Variants in CNN3 observed in about 807,000 individuals in gnomAD.
CNN3 encodes calponin 3.
CNN3 carries 11 observed loss-of-function variants against 39.0 expected under a neutral mutation model. That is an observed-to-expected ratio of 0.28 (90% confidence interval 0.18 to 0.47). CNN3 has a LOEUF of 0.47. Among genes scored for constraint, CNN3 ranks in the 20% least tolerant of loss-of-function variants. The pLI is 0.99. For missense variants in CNN3, 266 were observed against 403.4 expected (o/e 0.66, Z 2.92); for synonymous variants, 101 against 138.3 (o/e 0.73, Z 1.89).
At chr1:94,910,421 T>C (rs577735388) in intron 1 of CNN3, among the ~76,000 whole-genome samples, 6 of 152,050 alleles carry the variant, frequency 3.9e-5, no homozygotes, top group Admixed American at 3.9e-4. Context: ...GAGAGAACAA[T>C]GGGGGCTAAC....
Position 94,899,359 on chromosome 1 carries a change from G to A in CNN3, c.648+12C>T. ...GTGTACTCTTGTACACGTATAAAAAGGTATTGCTTACCTGGCTGGCTCCTT... is the reference window on the plus strand; with the variant it reads ...GTGTACTCTTGTACACGTATAAAAAAGTATTGCTTACCTGGCTGGCTCCTT... On this transcript the variant is annotated intron_variant, in intron 6 of 6. Coordinates refer to ENST00000370206, the MANE Select transcript of CNN3 (RefSeq NM_001839.5). The A allele has an allele frequency of 3.7e-6, 6 of 1,611,770 alleles. No individual in the cohort carries two copies. In the East Asian group the frequency reaches 1.3e-4, roughly 36 times the overall value.
rs749748222 is a variant in CNN3 at position 94,903,485 on chromosome 1, G to A, written c.97C>T (p.Arg33Cys). 59 of 1,613,860 alleles carry A rather than the reference G, an allele frequency of 3.7e-5. No individual in the cohort carries two copies. The highest frequency in any genetic ancestry group is 6.7e-5 in the Admixed American group (4 of 59,982). Residue 33 changes from arginine to cysteine, a missense_variant, in exon 2 of 7, where the codon CGC becomes TGC. Physicochemically the swap from Arg to Cys is radical, Grantham distance 180. Transcript: ENST00000370206. ...CCTGTCACCTCTTCTATCCAATTGC[G>A]AAGATCTTCTTCTGCCTGATGATCA... ...KYDHQAEEDL[R>C]NWIEEVTGMS...
At chr1:94,906,691 T>C (rs1276874228) in intron 1 of CNN3, among the ~76,000 whole-genome samples, 1 of 152,234 alleles carries the variant, frequency 6.6e-6, no homozygotes, top group Non-Finnish European at 1.5e-5. Flanking sequence ...CTCAGCTATC[T>C]ACACAATTTG....
At chr1:94,911,509 G>A (rs576181828) in intron 1 of CNN3, among the ~76,000 whole-genome samples, 1 of 152,324 alleles carries the variant, frequency 6.6e-6, no homozygotes, top group Non-Finnish European at 1.5e-5. Flanking sequence ...TAGGACGGGT[G>A]CAGTGGCTCA....
chr1:94,902,970 G>C (rs530447581), intron 3 of CNN3, 152 bp downstream of exon 3: 9 of 523,384 alleles, frequency 1.7e-5, no homozygotes, highest in African/African-American at 1.6e-4. Flanking sequence ...AATTAAATAT[G>C]CACAAATTTC....
intron 1 of CNN3, among the ~76,000 whole-genome samples, chr1:94,919,219 G>A (rs978829273): frequency 6.6e-6 from 1 of 152,166 alleles, no homozygotes; most frequent in South Asian, 2.1e-4. Flanking sequence ...AGTATTCAGA[G>A]TAGAGAATGG....
At chr1:94,912,677 C>T (rs1174580956) in intron 1 of CNN3, among the ~76,000 whole-genome samples, 2 of 152,192 alleles carry the variant, frequency 1.3e-5, no homozygotes, top group African/African-American at 4.8e-5. Context: ...ATTTTTCACC[C>T]ACTGACAGGA....
At chr1:94,909,927 G>A (rs1671116280) in intron 1 of CNN3, among the ~76,000 whole-genome samples, 1 of 152,172 alleles carries the variant, frequency 6.6e-6, no homozygotes, top group Admixed American at 6.6e-5. Context: ...TACAAGAACT[G>A]TCTGATGCCC....
In CNN3 at chr1:94,903,518, A is replaced by T; in HGVS notation, c.64T>A (p.Ser22Thr). Residue 22 changes from serine (S) to threonine (T), a missense_variant, in exon 2 of 7, where the codon TCC becomes ACC. Physicochemically the swap from Ser to Thr is moderately conservative, Grantham distance 58. Transcript: ENST00000370206. ...LSAEVKNKIA[S>T]KYDHQAEEDL... is the part of the protein sequence containing the mutation. The stretch of plus-strand genomic sequence containing the variant: ...TCTTCTGCCTGATGATCATACTTGG[A>T]AGCAATCTGAAATACAGGTTAACTC... 1 of 1,614,006 alleles carries T rather than the reference A, an allele frequency of 6.2e-7. No individual in the cohort carries two copies. The highest frequency in any genetic ancestry group is 2.2e-5 in the East Asian group (1 of 44,870).
chr1:94,901,425 G>A (rs1322753636), intron 5 of CNN3, among the ~76,000 whole-genome samples: 3 of 148,836 alleles, frequency 2.0e-5, no homozygotes, highest in Non-Finnish European at 3.0e-5. Flanking sequence ...AAGACAATAT[G>A]ATTCAATTAA....
chr1:94,916,284 T>C (rs1671277749), intron 1 of CNN3, among the ~76,000 whole-genome samples: 1 of 152,096 alleles, frequency 6.6e-6, no homozygotes, highest in Non-Finnish European at 1.5e-5. Flanking sequence ...TGCACACCTG[T>C]AGTCCCAGCT....
Position 94,926,946 on chromosome 1 carries a change from C to G in CNN3, c.-52G>C. On this transcript the variant is annotated 5_prime_UTR_variant, in exon 1 of 7. Coordinates refer to ENST00000370206, the MANE Select transcript of CNN3 (RefSeq NM_001839.5). The surrounding 1 kb of genome is among the most constrained non-coding windows in gnomAD (Gnocchi z 4.2). ...GCGCTGGGGTCCGGGGTCTCTCGCACTTCGCTTCCCCGCTCCTGGCCCCGA... is the reference window on the plus strand; with the variant it reads ...GCGCTGGGGTCCGGGGTCTCTCGCAGTTCGCTTCCCCGCTCCTGGCCCCGA... 1 of 1,576,502 alleles carries G rather than the reference C, an allele frequency of 6.3e-7. No homozygotes were observed.
At chr1:94,913,066 G>T (rs1344722307) in intron 1 of CNN3, among the ~76,000 whole-genome samples, 1 of 152,058 alleles carries the variant, frequency 6.6e-6, no homozygotes, top group Non-Finnish European at 1.5e-5. Context: ...AAGGAAACTG[G>T]GAATCAGAAG....
chr1:94,909,180 G>A (rs1391509976), intron 1 of CNN3, among the ~76,000 whole-genome samples: 2 of 152,046 alleles, frequency 1.3e-5, no homozygotes, highest in Non-Finnish European at 2.9e-5. Flanking sequence ...TGATATACAA[G>A]TATGTAGCGC....
intron 1 of CNN3, among the ~76,000 whole-genome samples, chr1:94,913,412 A>G (rs1397018697): frequency 6.6e-6 from 1 of 152,206 alleles, no homozygotes; most frequent in African/African-American, 2.4e-5. Context: ...TCTTCTACAC[A>G]GAGTTACCTT....
rs774409033 is a variant in CNN3, at chr1:94,901,679, A to C, written c.491T>G (p.Ile164Ser). 3 of 1,612,246 alleles carry C rather than the reference A, an allele frequency of 1.9e-6. No homozygotes were observed. The change falls in exon 5 of 7, where the codon ATT becomes AGT. Residue 164 changes from isoleucine (I) to serine (S), a missense_variant. Coordinates refer to ENST00000370206, the MANE Select transcript of CNN3 (RefSeq NM_001839.5). ...EGKLKAGQSV[I>S]GLQMGTNKCA... ...CACCACATTACTTACCTGCAGACCA[A>C]TTACACTTTGGCCAGCTTTTAATTT...
intron 4 of CNN3, 138 bp from the exon 5 acceptor site, chr1:94,901,923 A>G: frequency 1.4e-6 from 1 of 704,782 alleles, no homozygotes; most frequent in Non-Finnish European, 2.4e-6. Context: ...AATATACTGC[A>G]TCATTTGAAA....
chr1:94,915,489 A>T (rs1034094171), intron 1 of CNN3, among the ~76,000 whole-genome samples: 1 of 152,170 alleles, frequency 6.6e-6, no homozygotes, highest in African/African-American at 2.4e-5. Context: ...GTAAAGGTGA[A>T]CTCCATATTT....
chr1:94,923,555 A>G (rs1237855438), intron 1 of CNN3, among the ~76,000 whole-genome samples: 1 of 151,922 alleles, frequency 6.6e-6, no homozygotes, highest in Non-Finnish European at 1.5e-5. Flanking sequence ...AAAAAAAGTA[A>G]GCTTGTGTGT....
Sources: gnomAD v4.1 joint callset for allele counts (sites outside exome capture counted in the v4.1 genomes callset) on GRCh38, gnomAD v4.1.1 for gene constraint, Gnocchi (gnomAD v3.1) non-coding constraint, MANE v1.5 for transcripts, NCBI Gene and HGNC (gene_info 2026-07-23, HGNC 2026-07-21) for gene names.